Variants in SMARCA2 observed in about 807,000 individuals in gnomAD.
SMARCA2 encodes SWI/SNF related BAF chromatin remodeling complex subunit ATPase 2, also known as SWI/SNF-related matrix-associated actin-dependent regulator of chromatin subfamily A member 2.
In SMARCA2, 61 loss-of-function variants were observed where a neutral mutation model predicts 199.8. The observed-to-expected ratio is 0.31, with a 90% confidence interval of 0.25 to 0.38. The LOEUF (loss-of-function observed/expected upper bound fraction) is 0.38, where lower values mean the gene tolerates loss of function less well. Among genes scored for constraint, SMARCA2 ranks in the 10% least tolerant of loss-of-function variants. SMARCA2 has a pLI of 1.00. For missense variants in SMARCA2, 1,344 were observed against 2,012.2 expected (o/e 0.67, Z 6.35); for synonymous variants, 935 against 732.0 (o/e 1.28, Z -4.48).
In SMARCA2 at chr9:2,161,869, G is replaced by T. The variant is rs769712929; in HGVS notation, c.4165G>T (p.Ala1389Ser). 4 of 1,614,050 alleles carry T rather than the reference G, an allele frequency of 2.5e-6. No individual in the cohort carries two copies. In the South Asian group the frequency reaches 3.3e-5, roughly 13 times the overall value. ...CCCCAAACTGACAAAGCAGATGAAC[G>T]CTATCATCGATACTGTGATAAACTA... ...NPPKLTKQMN[A>S]IIDTVINYKD... is the part of the protein sequence containing the mutation. The change falls in exon 28 of 34, where the codon GCT (alanine) becomes TCT (serine). Residue 1389 changes from alanine (A) to serine (S), a missense_variant. By Grantham distance (99) the Ala-to-Ser change is moderately conservative (BLOSUM62 1). This residue lies in a region of SMARCA2 where 151 missense variants were observed against 154.0 expected (regional missense o/e 0.98). Coordinates refer to ENST00000349721, the MANE Select transcript of SMARCA2 (RefSeq NM_003070.5). The surrounding 1 kb of genome is among the most constrained non-coding windows in gnomAD (Gnocchi z 4.7).
chr9:2,148,816 T>C (rs1824895511), intron 27 of SMARCA2, among the ~76,000 whole-genome samples: 1 of 151,500 alleles, frequency 6.6e-6, no homozygotes, highest in Non-Finnish European at 1.5e-5. Context: ...GCTTGTTTTC[T>C]ATAGATCTTG....
At chr9:2,083,497 C>A in intron 16 of SMARCA2, 84 bp downstream of exon 16, 1 of 833,342 alleles carries the variant, frequency 1.2e-6, no homozygotes, top group Non-Finnish European at 2.0e-6. Context: ...CATCTGTGAA[C>A]TGTATTTGGT....
In SMARCA2 at chr9:2,161,996, GT is replaced by G; in HGVS notation, c.4199+97del. 1.0e-6 allele frequency: 1 copy of G among 971,978 alleles called. No homozygotes were observed. Among genetic ancestry groups the G allele is most frequent in the Non-Finnish European group, 1.5e-6 (1 of 654,832 alleles). 60.2% of individuals were successfully genotyped at this position (971,978 alleles called of 1,614,324 possible). On this transcript the variant is annotated intron_variant, in intron 28 of 33. Transcript: ENST00000349721. The surrounding 1 kb of genome is among the most constrained non-coding windows in gnomAD (Gnocchi z 4.7). ...AGGAGTTGTTAAGTTGTGCACTTAGGTTTTATTAAGGTTCTTTCTAGTTTGT... is the reference window on the plus strand; with the variant it reads ...AGGAGTTGTTAAGTTGTGCACTTAGGTTTATTAAGGTTCTTTCTAGTTTGT...
At chr9:2,133,487 T>C (rs984847843) in intron 27 of SMARCA2, among the ~76,000 whole-genome samples, 1 of 151,980 alleles carries the variant, frequency 6.6e-6, no homozygotes, top group African/African-American at 2.4e-5. Context: ...GTCACTCAAT[T>C]GCCTAGGCTG....
chr9:2,189,991 A>G (rs1411294128), intron 32 of SMARCA2, among the ~76,000 whole-genome samples: 1 of 152,232 alleles, frequency 6.6e-6, no homozygotes, highest in East Asian at 1.9e-4. Flanking sequence ...CAAACATGGT[A>G]GTCTAGCAAA....
rs1157422727 is a variant in SMARCA2 at position 2,017,998 on chromosome 9, C to T, written c.-37+2594C>T. 6.6e-6 allele frequency: 1 copy of T among 152,254 alleles called. No individual in the cohort carries two copies. Among genetic ancestry groups the T allele is most frequent in the African/African-American group, 2.4e-5 (1 of 41,462 alleles). 9.4% of individuals were successfully genotyped at this position (152,254 alleles called of 1,614,324 possible). ...TGAGGGGGAAGAAGGCCTTGCTGGC[C>T]GCTGTTGCTTGTCAGTTCTTTCTCC... On this transcript the variant is annotated intron_variant, in intron 1 of 33. Coordinates refer to ENST00000349721, the MANE Select transcript of SMARCA2 (RefSeq NM_003070.5). The surrounding 1 kb of genome is among the most constrained non-coding windows in gnomAD (Gnocchi z 8.8).
intron 19 of SMARCA2, among the ~76,000 whole-genome samples, chr9:2,092,121 T>C (rs1822087499): frequency 6.6e-6 from 1 of 152,230 alleles, no homozygotes; most frequent in Non-Finnish European, 1.5e-5. Context: ...AAATTGATTT[T>C]TCTATTTAGC....
At chr9:2,167,076 C>G (rs1384336543) in intron 28 of SMARCA2, among the ~76,000 whole-genome samples, 2 of 152,228 alleles carry the variant, frequency 1.3e-5, no homozygotes, top group Middle Eastern at 3.2e-3. Flanking sequence ...TTTTCTTTCT[C>G]ATATTGAAAT....
chr9:2,183,206 C>T (rs536645523), intron 31 of SMARCA2, among the ~76,000 whole-genome samples: 8 of 152,238 alleles, frequency 5.3e-5, no homozygotes, highest in Non-Finnish European at 8.8e-5. Flanking sequence ...TTACATTTAC[C>T]TTTATTTTTC....
At position 2,123,664 on chromosome 9, in the gene SMARCA2, G is replaced by A. The variant is rs937775654; in HGVS notation, c.3763-55G>A. 58 of 1,484,790 alleles carry A rather than the reference G, an allele frequency of 3.9e-5. No individual in the cohort carries two copies. The highest frequency in any genetic ancestry group is 3.9e-5 in the Non-Finnish European group (42 of 1,068,082). The allele number at this position is 1,484,790 out of a possible 1,614,324, so 92.0% of individuals were successfully genotyped here. On this transcript the variant is annotated intron_variant, in intron 26 of 33. Coordinates refer to ENST00000349721, the MANE Select transcript of SMARCA2 (RefSeq NM_003070.5). This position sits in a 1 kb window ranked among gnomAD's most constrained non-coding sequence, Gnocchi z 4.1. The stretch of plus-strand genomic sequence containing the variant: ...TGGGGAAGTTGTGTAGTGCTGGGAA[G>A]TCTGCACCATACAGAAGCCCTGACT...
chr9:2,096,566 G>T lies in SMARCA2; in HGVS notation c.2884-91G>T, dbSNP rs544236720. ...GAAAGAGAAAGAGAGACACCTTTGT[G>T]CTTCCAGGAGTGACACTGACTCAGC... On this transcript the variant is annotated intron_variant, in intron 19 of 33. Transcript: ENST00000349721. The T allele has an allele frequency of 3.4e-5, 27 of 782,896 alleles. No homozygotes were observed. In the South Asian group the frequency reaches 3.8e-4, roughly 11 times the overall value. The allele number at this position is 782,896 out of a possible 1,614,324, so 48.5% of individuals were successfully genotyped here.
intron 9 of SMARCA2, among the ~76,000 whole-genome samples, chr9:2,064,784 A>G (rs191211758): frequency 1.1e-3 from 166 of 152,298 alleles, no homozygotes; most frequent in Admixed American, 2.1e-3. Flanking sequence ...CTACTTTACT[A>G]GGGTTCCTGG....
intron 24 of SMARCA2, among the ~76,000 whole-genome samples, chr9:2,114,637 A>G (rs542091711): frequency 5.9e-5 from 9 of 152,208 alleles, no homozygotes; most frequent in African/African-American, 9.6e-5. Context: ...ACATGCCAAG[A>G]AGTTTTTATT....
At chr9:2,157,299 T>A (rs1825417757) in intron 27 of SMARCA2, among the ~76,000 whole-genome samples, 2 of 152,184 alleles carry the variant, frequency 1.3e-5, no homozygotes, top group Admixed American at 6.5e-5. Context: ...AGGTTTAGCC[T>A]GTCTGAATTT....
In SMARCA2 at chr9:2,151,502, C is replaced by T. The variant is rs188863786; in HGVS notation, c.3982-10184C>T. Reference sequence around the variant, plus strand: ...ATCCCAACACTTTGGGAGGATGAGGCAGGTGGATCACCTGAGGCCACGAAT... The same window carrying T: ...ATCCCAACACTTTGGGAGGATGAGGTAGGTGGATCACCTGAGGCCACGAAT... On this transcript the variant is annotated intron_variant, in intron 27 of 33. Transcript: ENST00000349721. Among the ~76,000 whole-genome samples, 100 of 151,808 alleles carry T rather than the reference C, an allele frequency of 6.6e-4. 3 individuals carry two copies. The highest frequency in any genetic ancestry group is 2.1e-3 in the African/African-American group (88 of 41,446).
At chr9:2,192,228 G>C (rs1827935119) in intron 33 of SMARCA2, 1 of 174,270 alleles carries the variant, frequency 5.7e-6, no homozygotes, top group Admixed American at 6.3e-5. Context: ...TTTTCTTTCT[G>C]GAAAGATAAA....
intron 9 of SMARCA2, among the ~76,000 whole-genome samples, chr9:2,068,195 G>A (rs1479198284): frequency 6.6e-6 from 1 of 152,094 alleles, no homozygotes; most frequent in Non-Finnish European, 1.5e-5. Context: ...TGAATTCAAG[G>A]GTTCTGTTAT....
chr9:2,047,085 T>C, intron 4 of SMARCA2, 144 bp from the exon 5 acceptor site: 2 of 371,240 alleles, frequency 5.4e-6, no homozygotes, highest in Non-Finnish European at 6.8e-6. Context: ...TTGCCCTCCT[T>C]TTTTTTTTTT....
intron 26 of SMARCA2, among the ~76,000 whole-genome samples, chr9:2,121,167 G>C (rs1194711012): frequency 6.6e-6 from 1 of 152,226 alleles, no homozygotes; most frequent in Non-Finnish European, 1.5e-5. Context: ...CAGCCCTGAA[G>C]TAAGGGGGTG....
Sources: gnomAD v4.1 joint callset for allele counts (sites outside exome capture counted in the v4.1 genomes callset) on GRCh38, gnomAD v4.1.1 for gene constraint, gnomAD v4.1.1 regional missense constraint, Gnocchi (gnomAD v3.1) non-coding constraint, MANE v1.5 for transcripts, NCBI Gene and HGNC (gene_info 2026-07-23, HGNC 2026-07-21) for gene names.